The following PRDM2 variants were observed in gnomAD, a reference collection of about 807,000 sequenced individuals.
PRDM2 encodes PR/SET domain 2, also known as PR domain zinc finger protein 2.
A neutral mutation model predicts 130.0 loss-of-function variants in PRDM2; 30 were observed. The ratio of observed to expected loss-of-function variants is 0.23; its 90% CI spans 0.17 to 0.31. The LOEUF (loss-of-function observed/expected upper bound fraction) is 0.31, where lower values mean the gene tolerates loss of function less well. Ranked by LOEUF, PRDM2 falls within the 10% of genes least tolerant of loss-of-function variation. The pLI, the probability that PRDM2 is intolerant of heterozygous loss-of-function variation, is 1.00. For missense variants in PRDM2, 2,011 were observed against 2,108.4 expected (o/e 0.95, Z 0.90); for synonymous variants, 871 against 782.4 (o/e 1.11, Z -1.89).
chr1:13,783,015 C>G (rs1644654048), intron 8 of PRDM2, 184 bp downstream of exon 8: 2 of 1,361,676 alleles, frequency 1.5e-6, no homozygotes, highest in African/African-American at 3.0e-5. Flanking sequence ...ATAAATAGTT[C>G]TAATTTCAGA....
intron 2 of PRDM2, 93 bp downstream of exon 2, chr1:13,715,707 C>A (rs1169169985): frequency 8.8e-7 from 1 of 1,137,300 alleles, no homozygotes; most frequent in Non-Finnish European, 1.2e-6. Flanking sequence ...ACATTCATTT[C>A]TCCTGGATTC....
intron 8 of PRDM2, among the ~76,000 whole-genome samples, chr1:13,811,793 A>G (rs906985375): frequency 2.0e-5 from 3 of 152,246 alleles, no homozygotes; most frequent in East Asian, 3.8e-4. Flanking sequence ...TCCAAAGGCT[A>G]TGGGAACAGG....
chr1:13,781,513 G>T lies in PRDM2; in HGVS notation c.3718G>T (p.Ala1240Ser), dbSNP rs915314292. 7 of 1,612,660 alleles carry T rather than the reference G, an allele frequency of 4.3e-6. No homozygotes were observed. Among genetic ancestry groups the T allele is most frequent in the Non-Finnish European group, 5.1e-6 (6 of 1,179,914 alleles). ...CCAGAACTTTACAGATCCCAGCAAG[G>T]CCCATGTAGAGCATATGCAGAGCTT... ...RPQNFTDPSK[A>S]HVEHMQSLPE... Residue 1240 changes from alanine to serine, a missense_variant, in exon 8 of 10, where the codon GCC becomes TCC. Ala to Ser is a moderately conservative substitution (Grantham distance 99). Coordinates refer to ENST00000311066, the MANE Select transcript of PRDM2 (RefSeq NM_001393986.1). This position sits in a 1 kb window ranked among gnomAD's most constrained non-coding sequence, Gnocchi z 6.1.
In PRDM2 at chr1:13,779,645, A is replaced by C; in HGVS notation, c.1850A>C (p.Gln617Pro). 6.2e-7 allele frequency: 1 copy of C among 1,614,076 alleles called. No individual in the cohort carries two copies. The highest frequency in any genetic ancestry group is 1.1e-5 in the South Asian group (1 of 91,072). Residue 617 changes from glutamine (Q) to proline (P), a missense_variant, in exon 8 of 10, where the codon CAG becomes CCG. Gln to Pro is a moderately conservative substitution (Grantham distance 76). Around this residue, in one of 5 missense-constraint regions of PRDM2, gnomAD observed 1,288 missense variants for 1,237.7 expected, o/e 1.04. Coordinates refer to ENST00000311066, the MANE Select transcript of PRDM2 (RefSeq NM_001393986.1). This position sits in a 1 kb window ranked among gnomAD's most constrained non-coding sequence, Gnocchi z 4.9. ...ATTACTCAAAATATAAAGACCACAC[A>C]GGTCCCTGTAACAGAAGATCTTCCT... is the stretch of plus-strand genomic sequence containing the variant. ...VEITQNIKTT[Q>P]VPVTEDLPKE...
In PRDM2 at chr1:13,778,649, A is replaced by T. The variant is rs771203857; in HGVS notation, c.854A>T (p.Asp285Val). Residue 285 changes from aspartate to valine, a missense_variant, in exon 8 of 10, where the codon GAT becomes GTT. Transcript: ENST00000311066. ...EEDEEEEEDD[D>V]DDELEDEGEE... ...GATGAAGAAGAAGAAGAAGATGATGATGATGATGAGTTGGAAGACGAGGGG... is the reference window on the plus strand; with the variant it reads ...GATGAAGAAGAAGAAGAAGATGATGTTGATGATGAGTTGGAAGACGAGGGG... 8 of 1,613,918 alleles carry T rather than the reference A, an allele frequency of 5.0e-6. No homozygotes were observed. The Admixed American group carries it at 1.3e-4, about 27-fold the overall frequency.
chr1:13,766,689 G>A (rs911203372), intron 6 of PRDM2, among the ~76,000 whole-genome samples: 1 of 152,236 alleles, frequency 6.6e-6, no homozygotes, highest in African/African-American at 2.4e-5. Context: ...AGCTCCCCAA[G>A]TGAAGATCGG....
intron 9 of PRDM2, among the ~76,000 whole-genome samples, chr1:13,822,548 A>G (rs1317613262): frequency 6.6e-6 from 1 of 151,962 alleles, no homozygotes; most frequent in Non-Finnish European, 1.5e-5. Flanking sequence ...GGCACCTGCC[A>G]CCATGCCTGG....
At chr1:13,731,778 CCT>C (rs1250287502) in intron 3 of PRDM2, among the ~76,000 whole-genome samples, 1 of 151,948 alleles carries the variant, frequency 6.6e-6, no homozygotes, top group Non-Finnish European at 1.5e-5. Context: ...TATTTATATC[CCT>C]GTTTCTTTTT....
chr1:13,724,312 A>G (rs1233142264), intron 2 of PRDM2, among the ~76,000 whole-genome samples: 4 of 152,158 alleles, frequency 2.6e-5, no homozygotes, highest in Non-Finnish European at 5.9e-5. Context: ...TTATTCTGGT[A>G]TATTTTGCTT....
At chr1:13,732,001 G>T (rs1643127017) in intron 3 of PRDM2, among the ~76,000 whole-genome samples, 1 of 152,144 alleles carries the variant, frequency 6.6e-6, no homozygotes, top group Non-Finnish European at 1.5e-5. Context: ...AGCAGGATAG[G>T]ACTGGCCCAG....
In PRDM2 at chr1:13,779,738, C is replaced by T. The variant is rs567916926; in HGVS notation, c.1943C>T (p.Pro648Leu). Residue 648 changes from proline (P) to leucine (L), a missense_variant, in exon 8 of 10, where the codon CCC becomes CTC. Transcript: ENST00000311066. The surrounding 1 kb of genome is among the most constrained non-coding windows in gnomAD (Gnocchi z 4.9). ...KRRTASPPAL[P>L]KIKAETDSDP... Reference sequence around the variant, plus strand: ...AGAACTGCGAGCCCACCTGCACTGCCCAAAATTAAGGCCGAAACAGACTCT... The same window carrying T: ...AGAACTGCGAGCCCACCTGCACTGCTCAAAATTAAGGCCGAAACAGACTCT... 6 of 1,614,080 alleles carry T rather than the reference C, an allele frequency of 3.7e-6. No individual in the cohort carries two copies. Among genetic ancestry groups the T allele is most frequent in the Non-Finnish European group, 5.1e-6 (6 of 1,180,006 alleles).
rs1644594168 is a variant in PRDM2, at chr1:13,780,828, C to A, written c.3033C>A (p.Leu1011=). The A allele has an allele frequency of 6.2e-7, 1 of 1,604,512 alleles. No individual in the cohort carries two copies. Among genetic ancestry groups the A allele is most frequent in the African/African-American group, 1.3e-5 (1 of 74,396 alleles). ...CTCCACACCCATGCCCCTCTCCACTCTCAAATGCCACCGCACAGTCCCCAC... is the reference window on the plus strand; with the variant it reads ...CTCCACACCCATGCCCCTCTCCACTATCAAATGCCACCGCACAGTCCCCAC... The part of the protein sequence containing the change: ...SASPHPCPSP[L]SNATAQSPLP... Residue 1011 remains leucine (L), a synonymous_variant, in exon 8 of 10, where the codon CTC becomes CTA. Coordinates refer to ENST00000311066, the MANE Select transcript of PRDM2 (RefSeq NM_001393986.1).
intron 8 of PRDM2, among the ~76,000 whole-genome samples, chr1:13,789,319 A>G (rs1644801411): frequency 6.6e-6 from 1 of 152,242 alleles, no homozygotes; most frequent in Admixed American, 6.5e-5. Flanking sequence ...TCGTTGTTAC[A>G]AGTACTTTCT....
intron 8 of PRDM2, among the ~76,000 whole-genome samples, chr1:13,783,879 G>C (rs1426246021): frequency 1.3e-5 from 2 of 152,022 alleles, no homozygotes; most frequent in Non-Finnish European, 2.9e-5. Flanking sequence ...AAAATTCTTT[G>C]GTGTTTTAAG....
At chr1:13,719,255 A>C (rs1026190423) in intron 2 of PRDM2, among the ~76,000 whole-genome samples, 4 of 152,244 alleles carry the variant, frequency 2.6e-5, no homozygotes, top group African/African-American at 9.6e-5. Context: ...AGACACATGA[A>C]GATCTGGAAA....
At chr1:13,762,443 A>G (rs1644121971) in intron 6 of PRDM2, among the ~76,000 whole-genome samples, 1 of 152,214 alleles carries the variant, frequency 6.6e-6, no homozygotes, top group South Asian at 2.1e-4. Flanking sequence ...AGGGAGCACG[A>G]GTAACCTTGG....
chr1:13,766,781 C>T (rs1644236891), intron 6 of PRDM2, among the ~76,000 whole-genome samples: 1 of 152,198 alleles, frequency 6.6e-6, no homozygotes, highest in African/African-American at 2.4e-5. Flanking sequence ...GGAGGCAGCA[C>T]ATCTAGAGTT....
chr1:13,747,049 A>C (rs1372807787), intron 5 of PRDM2, among the ~76,000 whole-genome samples: 1 of 152,228 alleles, frequency 6.6e-6, no homozygotes, highest in Admixed American at 6.5e-5. Flanking sequence ...ATTTAACTTC[A>C]CCAAGTTGCT....
chr1:13,741,019 A>G (rs759546263), intron 4 of PRDM2, among the ~76,000 whole-genome samples: 3 of 152,246 alleles, frequency 2.0e-5, no homozygotes, highest in Non-Finnish European at 2.9e-5. Context: ...TTCTTCCTAA[A>G]AATAAAGTAA....
Sources: allele counts gnomAD v4.1 joint callset (sites outside exome capture counted in the v4.1 genomes callset), GRCh38; gene constraint gnomAD v4.1.1; regional missense constraint gnomAD v4.1.1; non-coding constraint Gnocchi (gnomAD v3.1); transcripts MANE v1.5; gene names NCBI Gene and HGNC (gene_info 2026-07-23, HGNC 2026-07-21).